PDE1C: variants seen among roughly 807,000 people sequenced by gnomAD.
PDE1C encodes dual specificity calcium/calmodulin-dependent 3',5'-cyclic nucleotide phosphodiesterase 1C.
In PDE1C, 62 loss-of-function variants were observed where a neutral mutation model predicts 93.1. The observed-to-expected ratio is 0.67, with a 90% CI of 0.54 to 0.82. The LOEUF (loss-of-function observed/expected upper bound fraction) is 0.82, where lower values mean the gene tolerates loss of function less well. Ranked by LOEUF, PDE1C falls within the 40% of genes least tolerant of loss-of-function variation. The probability of loss-of-function intolerance (pLI) is 0.00; values close to 1 mark genes in which losing one functional copy is unlikely to be tolerated. For missense variants in PDE1C, 742 were observed against 884.6 expected (o/e 0.84, Z 2.04); for synonymous variants, 325 against 310.1 (o/e 1.05, Z -0.50).
At chr7:32,024,531 TA>T (rs1167706697) in intron 2 of PDE1C, among the ~76,000 whole-genome samples, 1 of 152,072 alleles carries the variant, frequency 6.6e-6, no homozygotes, top group Non-Finnish European at 1.5e-5. Flanking sequence ...ATTATATTCT[TA>T]ATTCCTCACT....
chr7:32,392,892 T>C (rs757673539), intron 1 of PDE1C, among the ~76,000 whole-genome samples: 1 of 149,962 alleles, frequency 6.7e-6, no homozygotes, highest in Non-Finnish European at 1.5e-5. Context: ...CTACTAAAAA[T>C]ACAAAAATTA....
chr7:31,840,514 A>T (rs1395411766), intron 9 of PDE1C, among the ~76,000 whole-genome samples: 1 of 152,022 alleles, frequency 6.6e-6, no homozygotes, highest in Non-Finnish European at 1.5e-5. Context: ...TTTCTCTCCT[A>T]TCTGAGAAAC....
At chr7:32,081,995 T>C (rs1268076937) in intron 3 of PDE1C, among the ~76,000 whole-genome samples, 12 of 151,944 alleles carry the variant, frequency 7.9e-5, no homozygotes, top group Non-Finnish European at 1.5e-5. Context: ...CACTAGGGAG[T>C]GCCAGATAGT....
chr7:32,172,069 T>C (rs1409621749), intron 2 of PDE1C, among the ~76,000 whole-genome samples: 2 of 151,524 alleles, frequency 1.3e-5, no homozygotes, highest in Admixed American at 1.3e-4. Flanking sequence ...CATAAATAAA[T>C]CATATATAAT....
At chr7:32,276,479 A>C (rs1453753971) in intron 1 of PDE1C, among the ~76,000 whole-genome samples, 1 of 152,184 alleles carries the variant, frequency 6.6e-6, no homozygotes, top group Non-Finnish European at 1.5e-5. Context: ...AGTTTGATTA[A>C]ATCCTATAGT....
chr7:32,209,369 C>T, intron 2 of PDE1C: 1 of 821,158 alleles, frequency 1.2e-6, no homozygotes. Flanking sequence ...GATGATATTT[C>T]CTGCATTACT....
intron 2 of PDE1C, among the ~76,000 whole-genome samples, chr7:31,975,108 G>GA (rs1378950532): frequency 6.6e-6 from 1 of 152,102 alleles, no homozygotes; most frequent in Non-Finnish European, 1.5e-5. Context: ...GCAGTTTTCA[G>GA]AAAATCTAAA....
rs529313965 is a variant in PDE1C at position 32,084,205 on chromosome 7, G to A, written c.308+85580C>T. On this transcript the variant is annotated intron_variant, in intron 3 of 18. Transcript: ENST00000396193. The stretch of plus-strand genomic sequence containing the variant: ...AAAAAAGGCAGGGGTTGCAATCCTA[G>A]TCTCTGATAAAACAGACTTTAAACC... Among the ~76,000 whole-genome samples, 668 of 152,132 alleles carry A rather than the reference G, an allele frequency of 4.4e-3. 7 individuals are homozygous for A. The highest frequency in any genetic ancestry group is 0.015 in the African/African-American group (635 of 41,496).
chr7:32,267,686 T>G lies in PDE1C; in HGVS notation c.85+30965A>C, dbSNP rs141190162. On this transcript the variant is annotated intron_variant, in intron 1 of 18. Coordinates refer to the PDE1C transcript ENST00000396193. ...AAGTAAGTCTCTTCTCTAGCACCCCTGGCAGTGACAGGGAAGGCATGGAAC... is the reference window on the plus strand; with the variant it reads ...AAGTAAGTCTCTTCTCTAGCACCCCGGGCAGTGACAGGGAAGGCATGGAAC... 4.6e-3 allele frequency among the ~76,000 whole-genome samples: 698 copies of G among 150,676 alleles called. 5 individuals are homozygous for G. Among genetic ancestry groups the G allele is most frequent in the African/African-American group, 0.016 (674 of 40,888 alleles).
At chr7:31,848,769 T>TA (rs1230972800) in intron 8 of PDE1C, among the ~76,000 whole-genome samples, 1 of 152,186 alleles carries the variant, frequency 6.6e-6, no homozygotes, top group Non-Finnish European at 1.5e-5. Context: ...TTCAGAGACT[T>TA]AAAAAAACTT....
intron 16 of PDE1C, among the ~76,000 whole-genome samples, chr7:31,800,214 C>T (rs751223788): frequency 9.9e-5 from 15 of 151,508 alleles, no homozygotes; most frequent in Non-Finnish European, 1.5e-4. Flanking sequence ...AGAATGTGAA[C>T]TGCCTTTTTA....
At chr7:32,221,748 A>C (rs1806884321) in intron 1 of PDE1C, among the ~76,000 whole-genome samples, 1 of 150,238 alleles carries the variant, frequency 6.7e-6, no homozygotes, top group Non-Finnish European at 1.5e-5. Context: ...TGTTTTTTTG[A>C]GAAAAATAAC....
At chr7:31,901,474 G>A (rs1043891582) in intron 2 of PDE1C, among the ~76,000 whole-genome samples, 2 of 151,180 alleles carry the variant, frequency 1.3e-5, no homozygotes, top group African/African-American at 2.4e-5. Context: ...TCTACTAAGG[G>A]ATATAAAATG....
intron 1 of PDE1C, among the ~76,000 whole-genome samples, chr7:32,067,048 T>C (rs1795486715): frequency 6.6e-6 from 1 of 152,178 alleles, no homozygotes; most frequent in South Asian, 2.1e-4. Flanking sequence ...TGAGCGTTAG[T>C]GTGCAGAACC....
intron 2 of PDE1C, among the ~76,000 whole-genome samples, chr7:32,170,563 T>C (rs1030674973): frequency 4.6e-5 from 7 of 152,124 alleles, no homozygotes; most frequent in African/African-American, 1.7e-4. Flanking sequence ...CAGTGAGAAG[T>C]TGTGTTGATA....
intron 1 of PDE1C, among the ~76,000 whole-genome samples, chr7:32,398,991 C>T (rs540550912): frequency 1.7e-4 from 26 of 152,220 alleles, no homozygotes; most frequent in South Asian, 4.1e-4. Flanking sequence ...TAGTGAACAC[C>T]CTTACCCAGC....
At chr7:31,842,811 G>A (rs960068991) in intron 9 of PDE1C, among the ~76,000 whole-genome samples, 17 of 151,184 alleles carry the variant, frequency 1.1e-4, no homozygotes, top group African/African-American at 3.4e-4. Context: ...TACTGTTTTG[G>A]TCTAGCTTCC....
chr7:31,728,722 AAT>A, the PDE1C span, among the ~76,000 whole-genome samples: 3 of 152,176 alleles, frequency 2.0e-5, no homozygotes, highest in African/African-American at 7.2e-5. Flanking sequence ...CCTAGAGTTA[AAT>A]ATATGTCAGT....
chr7:31,963,893 T>G (rs1276708437), intron 2 of PDE1C, among the ~76,000 whole-genome samples: 1 of 152,236 alleles, frequency 6.6e-6, no homozygotes, highest in Admixed American at 6.5e-5. Flanking sequence ...TATGAAAATC[T>G]GTTAGCACTT....
Sources: gnomAD v4.1 joint callset for allele counts (sites outside exome capture counted in the v4.1 genomes callset) on GRCh38, gnomAD v4.1.1 for gene constraint, MANE v1.5 for transcripts, NCBI Gene and HGNC (gene_info 2026-07-23, HGNC 2026-07-21) for gene names.